The following GABRB1 variants were observed in gnomAD, a reference collection of about 807,000 sequenced individuals.
GABRB1 encodes gamma-aminobutyric acid type A receptor subunit beta1, also known as gamma-aminobutyric acid receptor subunit beta-1.
Under a neutral mutation model 51.6 loss-of-function variants are expected in GABRB1, and 17 were observed. That is an observed-to-expected ratio of 0.33 (90% CI 0.23 to 0.49). The LOEUF is 0.49. GABRB1 is among the 20% of genes least tolerant of loss of function. The pLI, the probability that GABRB1 is intolerant of heterozygous loss-of-function variation, is 0.99. For synonymous variants in GABRB1, 247 were observed against 218.9 expected (o/e 1.13, Z -1.14); for missense variants, 410 against 600.6 (o/e 0.68, Z 3.32).
intron 3 of GABRB1, among the ~76,000 whole-genome samples, chr4:47,053,020 C>T (rs893638573): frequency 3.9e-5 from 6 of 152,114 alleles, no homozygotes; most frequent in African/African-American, 1.4e-4. Flanking sequence ...ATTTGTGATT[C>T]TTGGGATGTT....
rs1729277988 is a variant in GABRB1, at chr4:47,425,939, T to C, written c.1346T>C (p.Ile449Thr). The change falls in exon 9 of 9, where the codon ATA (isoleucine) becomes ACA (threonine). Residue 449 changes from isoleucine (I) to threonine (T), a missense_variant. Physicochemically the swap from Ile to Thr is moderately conservative, Grantham distance 89. Around this residue, in one of 5 missense-constraint regions of GABRB1, gnomAD observed 181 missense variants for 195.6 expected, o/e 0.93. Coordinates refer to ENST00000295454, the MANE Select transcript of GABRB1 (RefSeq NM_000812.4). ...KIPDLTDVNS[I>T]DKWSRMFFPI... Reference sequence around the variant, plus strand: ...CCCGACTTGACTGATGTGAATTCCATAGACAAGTGGTCCCGAATGTTTTTC... The same window carrying C: ...CCCGACTTGACTGATGTGAATTCCACAGACAAGTGGTCCCGAATGTTTTTC... 6.2e-7 allele frequency: 1 copy of C among 1,613,932 alleles called. No individual in the cohort carries two copies. Among genetic ancestry groups the C allele is most frequent in the Non-Finnish European group, 8.5e-7 (1 of 1,179,838 alleles).
At chr4:47,403,765 A>G (rs1010953425) in intron 7 of GABRB1, 54 bp downstream of exon 7, 1 of 1,566,438 alleles carries the variant, frequency 6.4e-7, no homozygotes, top group Non-Finnish European at 8.7e-7. Flanking sequence ...TCAAACAAAT[A>G]ACCAATATCA....
At chr4:47,032,297 G>A (rs1725352514) in intron 2 of GABRB1, 120 bp from the exon 3 acceptor site, 15 of 941,600 alleles carry the variant, frequency 1.6e-5, no homozygotes, top group Non-Finnish European at 2.4e-5. Flanking sequence ...GAAAGGGGTG[G>A]TGGGGGGAGC....
At chr4:47,397,212 T>C (rs1294177303) in intron 5 of GABRB1, among the ~76,000 whole-genome samples, 1 of 152,212 alleles carries the variant, frequency 6.6e-6, no homozygotes, top group Non-Finnish European at 1.5e-5. Context: ...TCCATGCCAG[T>C]AGTATAAAAT....
In GABRB1 at chr4:47,267,861, A is replaced by G. The variant is rs570517266; in HGVS notation, c.462-52266A>G. 3.0e-4 allele frequency among the ~76,000 whole-genome samples: 45 copies of G among 151,600 alleles called. 1 individual carries two copies. The highest frequency in any genetic ancestry group is 1.1e-3 in the African/African-American group (44 of 41,332). On this transcript the variant is annotated intron_variant, in intron 4 of 8. Coordinates refer to ENST00000295454, the MANE Select transcript of GABRB1 (RefSeq NM_000812.4). ...AATGGAGATGACTTTAATAGATTGG[A>G]AAAAAAAAGTAAGTTGTCATGTTGA...
At chr4:47,293,026 C>T (rs1277755151) in intron 4 of GABRB1, among the ~76,000 whole-genome samples, 2 of 152,170 alleles carry the variant, frequency 1.3e-5, no homozygotes, top group Non-Finnish European at 2.9e-5. Flanking sequence ...ATATCAATAA[C>T]ATTTTATCAA....
intron 4 of GABRB1, among the ~76,000 whole-genome samples, chr4:47,208,343 A>G (rs1239194414): frequency 6.6e-6 from 1 of 152,058 alleles, no homozygotes; most frequent in Admixed American, 6.6e-5. Context: ...GAGATGGGGA[A>G]TGGGGAATTA....
chr4:47,014,172 T>C (rs891959156), intron 1 of GABRB1, among the ~76,000 whole-genome samples: 27 of 152,190 alleles, frequency 1.8e-4, no homozygotes, highest in Non-Finnish European at 1.3e-4. Context: ...ACCTCTATAA[T>C]GTATCATGTA....
chr4:47,080,022 A>C (rs973283016), intron 3 of GABRB1, among the ~76,000 whole-genome samples: 22 of 152,144 alleles, frequency 1.4e-4, no homozygotes, highest in Non-Finnish European at 2.9e-4. Flanking sequence ...TATAAAAAAA[A>C]CTGCCAAACT....
At chr4:47,120,650 T>C (rs891929242) in intron 3 of GABRB1, among the ~76,000 whole-genome samples, 8 of 152,136 alleles carry the variant, frequency 5.3e-5, no homozygotes, top group Admixed American at 5.2e-4. Flanking sequence ...TAGTTACAGG[T>C]ACTGATTATT....
chr4:47,404,362 G>C (rs1429954252), intron 7 of GABRB1, among the ~76,000 whole-genome samples: 14 of 152,080 alleles, frequency 9.2e-5, no homozygotes, highest in Admixed American at 9.2e-4. Context: ...GACTTTAAAG[G>C]ATTCCTTGGA....
At chr4:47,412,412 A>G (rs1728787513) in intron 8 of GABRB1, among the ~76,000 whole-genome samples, 2 of 152,198 alleles carry the variant, frequency 1.3e-5, no homozygotes, top group South Asian at 2.1e-4. Flanking sequence ...AGTAAGAAAA[A>G]GAGACTATAC....
chr4:47,326,172 A>G (rs963337944), intron 5 of GABRB1, among the ~76,000 whole-genome samples: 4 of 152,152 alleles, frequency 2.6e-5, no homozygotes, highest in Non-Finnish European at 5.9e-5. Flanking sequence ...CTTCCTACCT[A>G]TTAATCATTG....
chr4:47,051,048 A>T (rs1254590501), intron 3 of GABRB1, among the ~76,000 whole-genome samples: 1 of 151,662 alleles, frequency 6.6e-6, no homozygotes, highest in African/African-American at 2.4e-5. Flanking sequence ...TGCCATTAAA[A>T]CTCATCAAAA....
intron 3 of GABRB1, among the ~76,000 whole-genome samples, chr4:47,117,336 C>A (rs902706816): frequency 6.6e-6 from 1 of 152,134 alleles, no homozygotes; most frequent in African/African-American, 2.4e-5. Context: ...AACATCAAGC[C>A]TCCAGGTCTT....
chr4:47,049,365 C>A (rs1726243770), intron 3 of GABRB1, among the ~76,000 whole-genome samples: 1 of 152,110 alleles, frequency 6.6e-6, no homozygotes, highest in African/African-American at 2.4e-5. Context: ...GAGAAGCATG[C>A]CAACTGTTTC....
At chr4:47,418,698 G>A (rs1478401899) in intron 8 of GABRB1, among the ~76,000 whole-genome samples, 7 of 152,000 alleles carry the variant, frequency 4.6e-5, no homozygotes, top group Admixed American at 2.6e-4. Context: ...TCTTGGCTTC[G>A]GGGAAACGGT....
At chr4:47,359,242 A>G (rs1726710505) in intron 5 of GABRB1, among the ~76,000 whole-genome samples, 1 of 152,160 alleles carries the variant, frequency 6.6e-6, no homozygotes, top group African/African-American at 2.4e-5. Context: ...AGACAGTATT[A>G]TGAGATCTGA....
At chr4:47,311,502 C>CA (rs34925548) in intron 4 of GABRB1, among the ~76,000 whole-genome samples, 102,462 of 151,014 alleles carry the variant, frequency 0.68, 35,220 homozygotes, top group East Asian at 0.98. Context: ...GAAAGGAAAG[C>CA]AGGAGAGTGA....
Sources: gnomAD v4.1 joint callset for allele counts (sites outside exome capture counted in the v4.1 genomes callset) on GRCh38, gnomAD v4.1.1 for gene constraint, gnomAD v4.1.1 regional missense constraint, MANE v1.5 for transcripts, NCBI Gene and HGNC (gene_info 2026-07-23, HGNC 2026-07-21) for gene names.